Variants in DNAI7 observed in about 807,000 individuals in gnomAD.
The protein encoded by DNAI7 is dynein axonemal intermediate chain 7, also known as cancer susceptibility 1.
In DNAI7, 78 loss-of-function variants were observed where a neutral mutation model predicts 86.6. The observed-to-expected ratio is 0.90, with a 90% CI of 0.75 to 1.09. The LOEUF is 1.09. DNAI7 is among the 50% of genes least tolerant of loss of function. DNAI7 has a pLI of 0.00. For missense variants in DNAI7, 753 were observed against 810.2 expected (o/e 0.93, Z 0.86); for synonymous variants, 274 against 273.0 (o/e 1.00, Z -0.04).
downstream of DNAI7, chr12:25,107,868 G>A (rs774406585): frequency 2.5e-6 from 4 of 1,614,094 alleles, no homozygotes; most frequent in South Asian, 3.3e-5. Flanking sequence ...CCATCAGAAA[G>A]GCTAATAAGG....
chr12:25,120,342 G>GAGAGA (rs71065905), intron 11 of DNAI7, among the ~76,000 whole-genome samples: 32 of 138,054 alleles, frequency 2.3e-4, no homozygotes, highest in Non-Finnish European at 3.2e-4. Flanking sequence ...GAGAGAGAGA[G>GAGAGA]GAAGGAAGGG....
intron 9 of DNAI7, 30 bp downstream of exon 9, chr12:25,144,335 A>G: frequency 6.4e-7 from 1 of 1,558,554 alleles, no homozygotes; most frequent in East Asian, 2.2e-5. Context: ...TGCATGAATA[A>G]AAAAATGTGT....
At position 25,108,526 on chromosome 12, in the gene DNAI7, C is replaced by G; in HGVS notation, c.*22G>C. The G allele has an allele frequency of 6.3e-7, 1 of 1,598,842 alleles. No homozygotes were observed. Among genetic ancestry groups the G allele is most frequent in the Non-Finnish European group, 8.5e-7 (1 of 1,170,408 alleles). ...CACCATGCTTGGTTCTTCATACTTA[C>G]AATACAGTTTGTAAGTGGAGGTTAG... On this transcript the variant is annotated 3_prime_UTR_variant, in exon 16 of 16. Coordinates refer to ENST00000395987, the MANE Select transcript of DNAI7 (RefSeq NM_018272.5).
intron 7 of DNAI7, 123 bp from the exon 8 acceptor site, chr12:25,147,227 G>A (rs1308849959): frequency 1.5e-5 from 8 of 536,226 alleles, no homozygotes; most frequent in South Asian, 9.1e-5. Context: ...GAGTAACTTG[G>A]GTAAAAATAA....
At chr12:25,141,755 G>A (rs1227078120) in intron 9 of DNAI7, among the ~76,000 whole-genome samples, 1 of 152,092 alleles carries the variant, frequency 6.6e-6, no homozygotes, top group Non-Finnish European at 1.5e-5. Context: ...GCTTGAACCT[G>A]GGAGGTGGAG....
At chr12:25,159,242 C>G (rs376833322) in intron 3 of DNAI7, among the ~76,000 whole-genome samples, 1 of 152,120 alleles carries the variant, frequency 6.6e-6, no homozygotes, top group Admixed American at 6.5e-5. Flanking sequence ...AGGAGCTACT[C>G]GGCCTTATTA....
chr12:25,167,287 C>G (rs1321842813), intron 2 of DNAI7, among the ~76,000 whole-genome samples: 1 of 152,060 alleles, frequency 6.6e-6, no homozygotes, highest in Admixed American at 6.6e-5. Context: ...TCTACTACTC[C>G]TCAGGGATTA....
chr12:25,174,367 ATATGT>A (rs1457221823), intron 2 of DNAI7, among the ~76,000 whole-genome samples: 1 of 480 alleles, frequency 2.1e-3, no homozygotes, highest in Non-Finnish European at 0.12. Flanking sequence ...TATCCCATAT[ATATGT>A]TATATCATAT....
chr12:25,191,431 G>T (rs1352588752), intron 1 of DNAI7, among the ~76,000 whole-genome samples: 1 of 152,130 alleles, frequency 6.6e-6, no homozygotes, highest in Non-Finnish European at 1.5e-5. Flanking sequence ...GCGGCTGGGT[G>T]TGGTGGCTCA....
chr12:25,161,079 G>A, intron 3 of DNAI7, 34 bp downstream of exon 3: 4 of 1,457,044 alleles, frequency 2.7e-6, no homozygotes, highest in Non-Finnish European at 3.9e-6. Context: ...ACTATTACCT[G>A]TATAGGTAAA....
chr12:25,159,442 A>G (rs1000535333), intron 3 of DNAI7, among the ~76,000 whole-genome samples: 11 of 152,124 alleles, frequency 7.2e-5, no homozygotes, highest in African/African-American at 1.9e-4. Context: ...AAGAAAAAAA[A>G]AAAGAAAGAA....
chr12:25,161,870 A>G (rs1156262944), intron 2 of DNAI7, among the ~76,000 whole-genome samples: 2 of 152,014 alleles, frequency 1.3e-5, no homozygotes, highest in Non-Finnish European at 2.9e-5. Flanking sequence ...AGCCTATGCT[A>G]AAGAGTTTGG....
intron 9 of DNAI7, among the ~76,000 whole-genome samples, chr12:25,129,762 T>A (rs12581105): frequency 3.1e-5 from 2 of 65,466 alleles, no homozygotes; most frequent in African/African-American, 6.5e-5. Flanking sequence ...TTTTATTTTA[T>A]TTTTATTTTT....
At chr12:25,165,643 G>A (rs917779263) in intron 2 of DNAI7, among the ~76,000 whole-genome samples, 19 of 151,268 alleles carry the variant, frequency 1.3e-4, no homozygotes, top group Non-Finnish European at 2.2e-4. Context: ...CAATTGCCTC[G>A]GAAGCCTACG....
chr12:25,169,060 A>G (rs1947829774), intron 2 of DNAI7, among the ~76,000 whole-genome samples: 1 of 152,138 alleles, frequency 6.6e-6, no homozygotes, highest in South Asian at 2.1e-4. Context: ...CCAAAACTTT[A>G]CCACTATTTC....
intron 2 of DNAI7, among the ~76,000 whole-genome samples, chr12:25,163,771 T>C (rs1204935713): frequency 6.6e-6 from 1 of 152,230 alleles, no homozygotes; most frequent in African/African-American, 2.4e-5. Context: ...TTAAATCTGG[T>C]AAGCGGCCTC....
At chr12:25,171,743 T>G (rs12298225) in intron 2 of DNAI7, among the ~76,000 whole-genome samples, 6,121 of 152,168 alleles carry the variant, frequency 0.04, 412 homozygotes, top group African/African-American at 0.13. Flanking sequence ...GCTAACCAAA[T>G]TCAACAACAC....
chr12:25,161,284 A>G (rs1442326340), intron 2 of DNAI7, 87 bp from the exon 3 acceptor site: 16 of 1,220,504 alleles, frequency 1.3e-5, no homozygotes, highest in Non-Finnish European at 1.9e-5. Flanking sequence ...TATGAAAAAC[A>G]TTTTTGCTTT....
At chr12:25,122,469 G>A (rs1486738144) in intron 10 of DNAI7, among the ~76,000 whole-genome samples, 184 of 111,456 alleles carry the variant, frequency 1.7e-3, no homozygotes, top group African/African-American at 8.6e-3. Context: ...AAAAAAAAAA[G>A]AAGGAGAAGA....
Sources: allele counts gnomAD v4.1 joint callset (sites outside exome capture counted in the v4.1 genomes callset), GRCh38; gene constraint gnomAD v4.1.1; transcripts MANE v1.5; gene names NCBI Gene and HGNC (gene_info 2026-07-23, HGNC 2026-07-21).